TSPAN14: variants seen among roughly 807,000 people sequenced by gnomAD.
TSPAN14 encodes the protein tetraspanin 14.
Under a neutral mutation model 36.6 loss-of-function variants are expected in TSPAN14, and 16 were observed. The ratio of observed to expected loss-of-function variants is 0.44; its 90% CI spans 0.30 to 0.66. The LOEUF is 0.66. Among genes scored for constraint, TSPAN14 ranks in the 30% least tolerant of loss-of-function variants. The pLI, the probability that TSPAN14 is intolerant of heterozygous loss-of-function variation, is 0.12. For synonymous variants in TSPAN14, 139 were observed against 143.8 expected (o/e 0.97, Z 0.24); for missense variants, 231 against 355.1 (o/e 0.65, Z 2.81).
At chr10:80,504,067 A>G (rs1840146079) in intron 2 of TSPAN14, among the ~76,000 whole-genome samples, 1 of 152,166 alleles carries the variant, frequency 6.6e-6, no homozygotes, top group African/African-American at 2.4e-5. Context: ...GGGCGAGCTC[A>G]TTGCTTAGAG....
intron 1 of TSPAN14, among the ~76,000 whole-genome samples, chr10:80,469,327 A>T (rs1418208417): frequency 3.3e-5 from 5 of 151,964 alleles, no homozygotes; most frequent in Admixed American, 1.3e-4. Context: ...TTCTATAAAG[A>T]TGTTTTGGTG....
chr10:80,507,472 C>G, intron 4 of TSPAN14, 98 bp downstream of exon 4: 1 of 1,533,658 alleles, frequency 6.5e-7, no homozygotes, highest in Admixed American at 1.8e-5. Context: ...GGTGGCAGCT[C>G]TTAGGAGCCT....
At chr10:80,458,905 G>C (rs1485520796) in intron 1 of TSPAN14, among the ~76,000 whole-genome samples, 1 of 152,110 alleles carries the variant, frequency 6.6e-6, no homozygotes, top group Non-Finnish European at 1.5e-5. Flanking sequence ...AGAGTGGACG[G>C]TGGTGAGGCA....
At chr10:80,512,193 A>C in exon 6 of TSPAN14, 8 of 1,614,126 alleles carry the variant, frequency 5.0e-6, no homozygotes, top group Non-Finnish European at 6.8e-6. Context: ...CTCAACGTCT[A>C]CTTCAATTGC....
intron 2 of TSPAN14, among the ~76,000 whole-genome samples, chr10:80,491,528 C>T (rs770218054): frequency 1.1e-4 from 17 of 152,198 alleles, no homozygotes; most frequent in Non-Finnish European, 2.1e-4. Flanking sequence ...GCAGCTAGAG[C>T]AGCACTCTCC....
intron 4 of TSPAN14, among the ~76,000 whole-genome samples, chr10:80,508,685 C>T (rs1840445704): frequency 1.3e-5 from 2 of 152,154 alleles, no homozygotes; most frequent in African/African-American, 2.4e-5. Flanking sequence ...ATAACATTGG[C>T]ACTTCCAGAA....
At chr10:80,494,298 A>G (rs547221332) in intron 2 of TSPAN14, among the ~76,000 whole-genome samples, 1 of 152,222 alleles carries the variant, frequency 6.6e-6, no homozygotes, top group Non-Finnish European at 1.5e-5. Flanking sequence ...CTTAAGGCCT[A>G]TTCCTTCAAA....
At chr10:80,462,497 C>T (rs928368030) in intron 1 of TSPAN14, among the ~76,000 whole-genome samples, 24 of 152,156 alleles carry the variant, frequency 1.6e-4, no homozygotes, top group African/African-American at 2.9e-4. Context: ...TGTGTCATTC[C>T]CCTCAGCAGC....
At chr10:80,507,137 C>T (rs2132046807) in intron 3 of TSPAN14, 91 bp from the exon 4 acceptor site, 2 of 1,506,874 alleles carry the variant, frequency 1.3e-6, no homozygotes, top group African/African-American at 1.4e-5. Flanking sequence ...GGAAGCAAGT[C>T]CCTGTTTTCA....
At chr10:80,499,436 G>T (rs956822717) in intron 2 of TSPAN14, among the ~76,000 whole-genome samples, 1 of 152,172 alleles carries the variant, frequency 6.6e-6, no homozygotes, top group Non-Finnish European at 1.5e-5. Flanking sequence ...GGGACACAGC[G>T]TGGTCTCACT....
exon 1 of TSPAN14, chr10:80,454,336 G>T (rs1465294951): frequency 2.0e-5 from 3 of 152,364 alleles, no homozygotes; most frequent in Middle Eastern, 3.4e-3. Flanking sequence ...CCTCGGCCGA[G>T]CCGGGCCGCG....
At chr10:80,474,823 C>T (rs910938607) in intron 1 of TSPAN14, among the ~76,000 whole-genome samples, 1 of 152,062 alleles carries the variant, frequency 6.6e-6, no homozygotes, top group African/African-American at 2.4e-5. Context: ...CGGCTTCCTT[C>T]CCTTGGGTTT....
In TSPAN14 at chr10:80,455,427, T is replaced by G. The variant is rs1273685350; in HGVS notation, c.-18+1056T>G. On this transcript the variant is annotated intron_variant, in intron 1 of 8. Coordinates refer to ENST00000429989, the Ensembl canonical transcript of TSPAN14. ...ATTGGAGCCTCTGCAGGTGTGCTCT[T>G]GGCAGTGGTCTGCTCTCCAGGGGAT... Among the ~76,000 whole-genome samples, 4 of 152,220 alleles carry G rather than the reference T, an allele frequency of 2.6e-5. No individual in the cohort carries two copies. In the East Asian group the frequency reaches 7.7e-4, roughly 29 times the overall value.
intron 2 of TSPAN14, among the ~76,000 whole-genome samples, chr10:80,501,897 C>T (rs1848543311): frequency 6.7e-6 from 1 of 149,794 alleles, no homozygotes; most frequent in East Asian, 1.9e-4. Context: ...GCCAAGCCCT[C>T]CTCGTTGTTG....
intron 2 of TSPAN14, among the ~76,000 whole-genome samples, chr10:80,491,020 G>C (rs534007713): frequency 8.5e-5 from 13 of 152,292 alleles, no homozygotes; most frequent in African/African-American, 2.9e-4. Context: ...TGGAACTCTT[G>C]AAAACAAGGC....
chr10:80,481,712 G>A (rs552124080), intron 1 of TSPAN14, among the ~76,000 whole-genome samples: 8 of 152,266 alleles, frequency 5.3e-5, no homozygotes, highest in African/African-American at 1.7e-4. Flanking sequence ...CGTAACCTCC[G>A]CCTCCTGGGT....
chr10:80,468,710 T>G (rs1368024685), intron 1 of TSPAN14: 1 of 140,198 alleles, frequency 7.1e-6, no homozygotes, highest in African/African-American at 2.6e-5. Flanking sequence ...ATTTGAATGC[T>G]TTTTTAAATT....
At chr10:80,477,700 T>C (rs1846999856) in intron 1 of TSPAN14, among the ~76,000 whole-genome samples, 1 of 151,844 alleles carries the variant, frequency 6.6e-6, no homozygotes. Flanking sequence ...TGATGCTGGG[T>C]GATGGCCTCC....
In TSPAN14 at chr10:80,483,911, C is replaced by CA. The variant is rs57795678; in HGVS notation, c.-17-5266dup. ...GGCAACAAGAGCAAAACTCTTGTCT[C>CA]AAAAAAAAAAAAAAAAAAAAAAAAA... On this transcript the variant is annotated intron_variant, in intron 1 of 8. Coordinates refer to ENST00000429989, the Ensembl canonical transcript of TSPAN14. Among the ~76,000 whole-genome samples the CA allele has an allele frequency of 8.5e-4, 14 of 16,544 alleles. 2 individuals carry two copies. Among genetic ancestry groups the CA allele is most frequent in the Non-Finnish European group, 9.9e-4 (9 of 9,114 alleles). 10.9% of individuals were successfully genotyped at this position (16,544 alleles called of 152,430 possible).
Sources: gnomAD v4.1 joint callset for allele counts (sites outside exome capture counted in the v4.1 genomes callset) on GRCh38, gnomAD v4.1.1 for gene constraint, MANE v1.5 for transcripts, NCBI Gene and HGNC (gene_info 2026-07-23, HGNC 2026-07-21) for gene names.